FSIP1: variants seen among roughly 807,000 people sequenced by gnomAD.
FSIP1 encodes the protein fibrous sheath interacting protein 1.
FSIP1 carries 65 observed loss-of-function variants against 60.9 expected under a neutral mutation model. The ratio of observed to expected loss-of-function variants is 1.07; its 90% CI spans 0.87 to 1.31. The LOEUF is 1.31. Among genes scored for constraint, FSIP1 ranks in the 40% most tolerant of loss-of-function variants. The probability of loss-of-function intolerance (pLI) is 0.00; values close to 1 mark genes in which losing one functional copy is unlikely to be tolerated. For synonymous variants in FSIP1, 209 were observed against 221.2 expected (o/e 0.94, Z 0.49); for missense variants, 675 against 665.5 (o/e 1.01, Z -0.16).
intron 5 of FSIP1, among the ~76,000 whole-genome samples, chr15:39,746,202 T>C (rs1038165638): frequency 3.9e-5 from 6 of 151,942 alleles, no homozygotes; most frequent in African/African-American, 1.5e-4. Flanking sequence ...ACACAAATGA[T>C]AGAAAGGGAA....
chr15:39,656,077 G>A, intron 10 of FSIP1, among the ~76,000 whole-genome samples: 1 of 152,120 alleles, frequency 6.6e-6, no homozygotes, highest in Non-Finnish European at 1.5e-5. Flanking sequence ...TACACAGAGA[G>A]GGGAAGACAT....
In FSIP1 at chr15:39,622,201, G is replaced by A. The variant is rs985239337; in HGVS notation, c.1189-3956C>T. On this transcript the variant is annotated intron_variant, in intron 10 of 11. Coordinates refer to ENST00000350221, the MANE Select transcript of FSIP1 (RefSeq NM_152597.5). ...ATTCACCTCAAAGTATTCATCTTTCGTGCCAGCTCTAATTTCCCAGTATTC... is the reference window on the plus strand; with the variant it reads ...ATTCACCTCAAAGTATTCATCTTTCATGCCAGCTCTAATTTCCCAGTATTC... 5.9e-5 allele frequency among the ~76,000 whole-genome samples: 9 copies of A among 152,168 alleles called. No individual in the cohort carries two copies. In the East Asian group the frequency reaches 1.2e-3, roughly 20 times the overall value.
intron 10 of FSIP1, among the ~76,000 whole-genome samples, chr15:39,680,378 C>G (rs1894112144): frequency 6.6e-6 from 1 of 152,182 alleles, no homozygotes; most frequent in South Asian, 2.1e-4. Context: ...CTCCCAATGT[C>G]TGTTTTCTTT....
At chr15:39,688,620 A>T (rs540007611) in intron 10 of FSIP1, among the ~76,000 whole-genome samples, 188 of 152,340 alleles carry the variant, frequency 1.2e-3, no homozygotes, top group African/African-American at 4.4e-3. Flanking sequence ...AAACTTTTAA[A>T]ACTGGGTAGC....
intron 9 of FSIP1, among the ~76,000 whole-genome samples, chr15:39,722,129 C>T (rs1281255782): frequency 1.3e-5 from 2 of 152,016 alleles, no homozygotes; most frequent in Non-Finnish European, 2.9e-5. Context: ...AGATCAGCAG[C>T]GGCATTACAT....
At chr15:39,720,252 G>A (rs746277011) in intron 9 of FSIP1, among the ~76,000 whole-genome samples, 9 of 152,104 alleles carry the variant, frequency 5.9e-5, no homozygotes, top group Non-Finnish European at 1.0e-4. Flanking sequence ...AAAATTAATT[G>A]TTGCTGTCAG....
intron 10 of FSIP1, among the ~76,000 whole-genome samples, chr15:39,647,092 G>T (rs1892648663): frequency 6.6e-6 from 1 of 152,194 alleles, no homozygotes; most frequent in South Asian, 2.1e-4. Context: ...TGTTACCAGG[G>T]ATGTGGTGAG....
rs777913383 is a variant in FSIP1, at chr15:39,602,698, T to TA, written c.1700-1773dup. Among the ~76,000 whole-genome samples the TA allele has an allele frequency of 9.9e-4, 150 of 152,276 alleles. 1 individual carries two copies. The highest frequency in any genetic ancestry group is 1.5e-3 in the Non-Finnish European group (101 of 68,016). ...GATGGGACATAATTCCACGCCTTCG[T>TA]AAGTGCTATTCTCTCACTATGGAGT... On this transcript the variant is annotated intron_variant, in intron 11 of 11. Transcript: ENST00000350221.
intron 10 of FSIP1, among the ~76,000 whole-genome samples, chr15:39,635,049 A>T (rs928872235): frequency 2.6e-5 from 4 of 152,124 alleles, no homozygotes; most frequent in African/African-American, 9.7e-5. Flanking sequence ...TAAAAAAAGC[A>T]TTTGGGCTGG....
intron 10 of FSIP1, among the ~76,000 whole-genome samples, chr15:39,652,569 C>A (rs2140438166): frequency 6.6e-6 from 1 of 152,156 alleles, no homozygotes; most frequent in South Asian, 2.1e-4. Flanking sequence ...TTTTCTTAAT[C>A]TTGGATCCTA....
chr15:39,698,332 T>C (rs1214066988), intron 10 of FSIP1, among the ~76,000 whole-genome samples: 1 of 152,122 alleles, frequency 6.6e-6, no homozygotes, highest in Non-Finnish European at 1.5e-5. Flanking sequence ...AAATTACTTA[T>C]GTGGCTGCAT....
chr15:39,630,902 C>T (rs772988006), intron 10 of FSIP1, among the ~76,000 whole-genome samples: 5 of 152,114 alleles, frequency 3.3e-5, no homozygotes, highest in Non-Finnish European at 7.4e-5. Flanking sequence ...GTAAGGGGAG[C>T]CCCTCTCAAC....
intron 10 of FSIP1, among the ~76,000 whole-genome samples, chr15:39,651,704 TAGAA>T (rs964075925): frequency 6.6e-6 from 1 of 152,246 alleles, no homozygotes; most frequent in Non-Finnish European, 1.5e-5. Flanking sequence ...AAAGGACAGT[TAGAA>T]AGAATTCTAT....
chr15:39,643,641 G>C (rs1004457314), intron 10 of FSIP1, among the ~76,000 whole-genome samples: 8 of 152,174 alleles, frequency 5.3e-5, no homozygotes, highest in Admixed American at 2.6e-4. Flanking sequence ...TTATTCTGGA[G>C]CTTCTAGATA....
chr15:39,632,062 A>G (rs1891914147), intron 10 of FSIP1, among the ~76,000 whole-genome samples: 2 of 152,238 alleles, frequency 1.3e-5, no homozygotes, highest in African/African-American at 4.8e-5. Context: ...AAGACTGACG[A>G]GTACAATAGA....
At chr15:39,715,189 C>T (rs747873254) in intron 9 of FSIP1, among the ~76,000 whole-genome samples, 5 of 152,070 alleles carry the variant, frequency 3.3e-5, no homozygotes, top group Admixed American at 1.3e-4. Flanking sequence ...TCATTTCCCA[C>T]TGCTTGAGAC....
chr15:39,747,567 G>C (rs1897040668), intron 5 of FSIP1: 1 of 152,132 alleles, frequency 6.6e-6, no homozygotes. Context: ...AAAACAATAT[G>C]AGCAGTGAAT....
chr15:39,722,993 C>T (rs1375641344), intron 9 of FSIP1, among the ~76,000 whole-genome samples: 5 of 151,834 alleles, frequency 3.3e-5, no homozygotes, highest in Middle Eastern at 3.5e-3. Flanking sequence ...CAGTTTTCTA[C>T]GTATACTCAA....
intron 10 of FSIP1, among the ~76,000 whole-genome samples, chr15:39,628,927 C>T (rs901002783): frequency 3.3e-5 from 5 of 152,212 alleles, no homozygotes; most frequent in Non-Finnish European, 7.3e-5. Context: ...CTGCGTGAAG[C>T]TGCGAGGACC....
Sources: allele counts gnomAD v4.1 joint callset (sites outside exome capture counted in the v4.1 genomes callset), GRCh38; gene constraint gnomAD v4.1.1; transcripts MANE v1.5; gene names NCBI Gene and HGNC (gene_info 2026-07-23, HGNC 2026-07-21).